NCOR2: variants seen among roughly 807,000 people sequenced by gnomAD.
NCOR2 encodes the protein CTG repeat protein 26.
A neutral mutation model predicts 262.9 loss-of-function variants in NCOR2; 81 were observed. The observed-to-expected ratio is 0.31, with a 90% CI of 0.26 to 0.37. The LOEUF is 0.37. Ranked by LOEUF, NCOR2 falls within the 10% of genes least tolerant of loss-of-function variation. The pLI is 1.00. For synonymous variants in NCOR2, 1,659 were observed against 1,559.3 expected (o/e 1.06, Z -1.51); for missense variants, 3,385 against 3,621.4 (o/e 0.93, Z 1.68).
intron 16 of NCOR2, among the ~76,000 whole-genome samples, chr12:124,386,729 C>T (rs186804001): frequency 2.0e-5 from 3 of 152,240 alleles, no homozygotes; most frequent in Admixed American, 6.5e-5. Context: ...ACACCAGGCT[C>T]GGCAGAAACA....
At chr12:124,428,692 T>C (rs1017053751) in intron 10 of NCOR2, among the ~76,000 whole-genome samples, 3 of 152,210 alleles carry the variant, frequency 2.0e-5, no homozygotes, top group Non-Finnish European at 4.4e-5. Flanking sequence ...GCTCTTGAGA[T>C]GTGTCAGATG....
At chr12:124,488,434 T>C (rs371149105) in intron 1 of NCOR2, among the ~76,000 whole-genome samples, 2 of 152,336 alleles carry the variant, frequency 1.3e-5, no homozygotes, top group East Asian at 3.9e-4. Flanking sequence ...CTCTTTGAAA[T>C]GGGTGCCCAG....
intron 13 of NCOR2, among the ~76,000 whole-genome samples, chr12:124,404,545 C>A (rs2042167141): frequency 1.3e-5 from 2 of 152,234 alleles, no homozygotes; most frequent in Admixed American, 6.5e-5. Flanking sequence ...ACGAATCAGG[C>A]TAATGTCTGC....
chr12:124,558,354 T>C (rs1207780129), intron 1 of NCOR2, among the ~76,000 whole-genome samples: 3 of 142,396 alleles, frequency 2.1e-5, no homozygotes, highest in African/African-American at 7.9e-5. Flanking sequence ...GGTGGGCAGA[T>C]GGGGGGCGTG....
chr12:124,455,109 AG>A (rs1422453636), intron 6 of NCOR2, among the ~76,000 whole-genome samples: 1 of 152,268 alleles, frequency 6.6e-6, no homozygotes, highest in Admixed American at 6.5e-5. Context: ...GCAAATCCAT[AG>A]AGACAGAAGG....
chr12:124,367,506 C>T (rs1039888823), intron 20 of NCOR2, among the ~76,000 whole-genome samples: 16 of 152,176 alleles, frequency 1.1e-4, no homozygotes, highest in African/African-American at 2.9e-4. Context: ...AGGTGGAAAA[C>T]GCTCAGAGCT....
At chr12:124,370,536 A>G (rs1566407153) in intron 20 of NCOR2, among the ~76,000 whole-genome samples, 1 of 152,134 alleles carries the variant, frequency 6.6e-6, no homozygotes, top group Non-Finnish European at 1.5e-5. Flanking sequence ...AACAGACCAC[A>G]CTGTAGTTGA....
At chr12:124,533,171 G>A (rs980893647) in intron 1 of NCOR2, among the ~76,000 whole-genome samples, 3 of 151,350 alleles carry the variant, frequency 2.0e-5, no homozygotes, top group South Asian at 2.1e-4. Context: ...CCAGCCCCAG[G>A]AAGCAGATGA....
At chr12:124,338,399 T>C (rs2036076092) in intron 37 of NCOR2, among the ~76,000 whole-genome samples, 1 of 151,476 alleles carries the variant, frequency 6.6e-6, no homozygotes, top group African/African-American at 2.4e-5. Context: ...CTGCAGCTAC[T>C]TGGGAGGCTG....
intron 13 of NCOR2, among the ~76,000 whole-genome samples, chr12:124,413,828 T>C (rs1462660649): frequency 6.6e-6 from 1 of 151,996 alleles, no homozygotes; most frequent in Non-Finnish European, 1.5e-5. Flanking sequence ...GCGGAGGCAC[T>C]GAGAGAGAAA....
chr12:124,559,220 C>A (rs1427988406), intron 1 of NCOR2, among the ~76,000 whole-genome samples: 2 of 152,224 alleles, frequency 1.3e-5, no homozygotes, highest in African/African-American at 4.8e-5. Context: ...AAGCAGGGGA[C>A]CTGAAGCATC....
At chr12:124,333,169 T>C in exon 42 of NCOR2, 1 of 1,612,618 alleles carries the variant, frequency 6.2e-7, no homozygotes, top group Non-Finnish European at 8.5e-7. Context: ...CAGCAGCGGG[T>C]ACACAGCACT....
At chr12:124,410,438 G>C (rs1833123391) in intron 13 of NCOR2, among the ~76,000 whole-genome samples, 1 of 151,570 alleles carries the variant, frequency 6.6e-6, no homozygotes, top group Non-Finnish European at 1.5e-5. Context: ...CTAGCACAAA[G>C]CTGGGCAGGA....
chr12:124,354,093 G>A (rs768849764), exon 27 of NCOR2: 19 of 1,607,924 alleles, frequency 1.2e-5, no homozygotes, highest in Admixed American at 5.0e-5. Flanking sequence ...GGACACCTAC[G>A]TGGGTGATGG....
At chr12:124,543,127 G>C (rs1434406311) in intron 1 of NCOR2, among the ~76,000 whole-genome samples, 1 of 152,200 alleles carries the variant, frequency 6.6e-6, no homozygotes, top group Non-Finnish European at 1.5e-5. Context: ...CCAAGGCCAA[G>C]GGGGCTGGCA....
rs1350463151 is a variant in NCOR2, at chr12:124,389,807, C to G, written c.1877-3920G>C. On this transcript the variant is annotated intron_variant, in intron 16 of 46. Transcript: ENST00000405201. The surrounding 1 kb of genome is among the most constrained non-coding windows in gnomAD (Gnocchi z 4.4). ...AAGAGCCCTCTGCTGCTGGGGGGGT[C>G]TCGGGACCACAGCTGCCCCTTTCGT... Among the ~76,000 whole-genome samples the G allele has an allele frequency of 1.3e-5, 2 of 152,152 alleles. No homozygotes were observed. Among genetic ancestry groups the G allele is most frequent in the Non-Finnish European group, 2.9e-5 (2 of 68,018 alleles).
intron 1 of NCOR2, among the ~76,000 whole-genome samples, chr12:124,552,608 G>C (rs2051747819): frequency 6.6e-6 from 1 of 152,216 alleles, no homozygotes; most frequent in Non-Finnish European, 1.5e-5. Flanking sequence ...CACAGGCTCT[G>C]TGGGGGCAGC....
At position 124,503,884 on chromosome 12, in the gene NCOR2, T is replaced by G. The variant is rs1007782087; in HGVS notation, c.-117-8516A>C. On this transcript the variant is annotated intron_variant, in intron 1 of 46. Transcript: ENST00000404621. This position sits in a 1 kb window ranked among gnomAD's most constrained non-coding sequence, Gnocchi z 4.3. ...TCTAACCAATCCCCAGGGCCAAGCA[T>G]GTCTTCATCCTGCTAATATTCCCAG... 1.3e-5 allele frequency among the ~76,000 whole-genome samples: 2 copies of G among 152,184 alleles called. No individual in the cohort carries two copies. The highest frequency in any genetic ancestry group is 2.4e-5 in the African/African-American group (1 of 41,432).
chr12:124,325,644 CG>C, intron 46 of NCOR2, 61 bp from the exon 49 acceptor site: 2 of 1,152,594 alleles, frequency 1.7e-6, no homozygotes, highest in Non-Finnish European at 2.2e-6. Context: ...CCCTGCTGGC[CG>C]CCTGCCCACC....
Sources: allele counts gnomAD v4.1 joint callset (sites outside exome capture counted in the v4.1 genomes callset), GRCh38; gene constraint gnomAD v4.1.1; non-coding constraint Gnocchi (gnomAD v3.1); transcripts MANE v1.5; gene names NCBI Gene and HGNC (gene_info 2026-07-23, HGNC 2026-07-21).